The following CAB39 variants were observed in gnomAD, a reference collection of about 807,000 sequenced individuals.
The protein encoded by CAB39 is calcium-binding protein 39.
Under a neutral mutation model 40.0 loss-of-function variants are expected in CAB39, and 8 were observed. The observed-to-expected ratio is 0.20, with a 90% CI of 0.12 to 0.36. The LOEUF (loss-of-function observed/expected upper bound fraction) is 0.36. CAB39 is among the 10% of genes least tolerant of loss of function. CAB39 has a pLI of 1.00. For missense variants in CAB39, 270 were observed against 401.1 expected, an observed-to-expected ratio of 0.67 and a Z score of 2.79; for synonymous variants, 156 against 141.6, an observed-to-expected ratio of 1.10 and a Z score of -0.72.
intron 2 of CAB39, among the ~76,000 whole-genome samples, chr2:230,776,722 G>A (rs1404565493): frequency 1.3e-5 from 2 of 149,208 alleles, no homozygotes; most frequent in African/African-American, 2.5e-5. Context: ...ATGGAGTCTC[G>A]CTCTGTCACC....
chr2:230,800,746 G>C (rs1204508943), intron 5 of CAB39, among the ~76,000 whole-genome samples: 1 of 152,190 alleles, frequency 6.6e-6, no homozygotes, highest in Non-Finnish European at 1.5e-5. Flanking sequence ...CCGTCAGGAT[G>C]TGGTTGACAT....
chr2:230,713,649 G>C (rs1694294429), intron 1 of CAB39: 1 of 152,334 alleles, frequency 6.6e-6, no homozygotes, highest in African/African-American at 2.4e-5. Context: ...GTTGTCGGGA[G>C]GCAGATACCA....
Position 230,793,254 on chromosome 2 carries a change from A to G in CAB39, c.321A>G (p.Arg107=), listed in dbSNP as rs1026431482. The change falls in exon 4 of 9, where the codon AGA becomes AGG. Residue 107 remains arginine (R), a synonymous_variant. Coordinates refer to ENST00000258418, the MANE Select transcript of CAB39 (RefSeq NM_016289.4). ...CTCAAATTTTCAACAATATTCTCAG[A>G]AGACAAATTGGTACGAGAACTCCTA... ...DVAQIFNNIL[R]RQIGTRTPTV... is the part of the protein sequence containing the mutation. 6.8e-6 allele frequency: 11 copies of G among 1,612,662 alleles called. No homozygotes were observed. The highest frequency in any genetic ancestry group is 9.3e-6 in the Non-Finnish European group (11 of 1,179,200).
intron 1 of CAB39, among the ~76,000 whole-genome samples, chr2:230,744,809 T>G (rs1312219952): frequency 2.0e-5 from 3 of 152,246 alleles, no homozygotes; most frequent in Non-Finnish European, 4.4e-5. Context: ...TCAATAAGTA[T>G]TTGAGGTTTA....
chr2:230,762,887 G>A (rs1695319638), intron 2 of CAB39, among the ~76,000 whole-genome samples: 1 of 152,146 alleles, frequency 6.6e-6, no homozygotes, highest in African/African-American at 2.4e-5. Flanking sequence ...TCAGTTGGCA[G>A]CAAGTGCCAC....
intron 5 of CAB39, among the ~76,000 whole-genome samples, chr2:230,803,922 AAAG>A (rs1332292338): frequency 6.6e-6 from 1 of 152,224 alleles, no homozygotes; most frequent in Non-Finnish European, 1.5e-5. Flanking sequence ...TGGAACCAAA[AAAG>A]AGCCCGCATT....
rs535135650 is a variant in CAB39 at position 230,802,431 on chromosome 2, G to T, written c.567+3534G>T. Among the ~76,000 whole-genome samples, 17 of 152,274 alleles carry T rather than the reference G, an allele frequency of 1.1e-4. 1 individual carries two copies. The South Asian group carries it at 3.5e-3, about 32-fold the overall frequency. On this transcript the variant is annotated intron_variant, in intron 5 of 8. Transcript: ENST00000258418. ...GATCAGAGCAGAACTGAAGGAGATA[G>T]AGACACAGAAAACTTTTCAAAAAAT...
chr2:230,790,295 A>G (rs1420411776), intron 2 of CAB39, among the ~76,000 whole-genome samples: 3 of 151,936 alleles, frequency 2.0e-5, no homozygotes, highest in Non-Finnish European at 4.4e-5. Context: ...AGTCTTTTTC[A>G]TGGGGAAAGG....
At chr2:230,730,624 A>G (rs977118280) in intron 1 of CAB39, among the ~76,000 whole-genome samples, 4 of 151,962 alleles carry the variant, frequency 2.6e-5, no homozygotes, top group Non-Finnish European at 5.9e-5. Context: ...TTGTATTTTT[A>G]GTAGAGACAG....
intron 1 of CAB39, among the ~76,000 whole-genome samples, chr2:230,747,896 C>T (rs1695003667): frequency 1.3e-5 from 2 of 152,232 alleles, no homozygotes; most frequent in South Asian, 4.1e-4. Flanking sequence ...ATCACTCATA[C>T]TTCCACATGT....
intron 3 of CAB39, among the ~76,000 whole-genome samples, chr2:230,791,660 A>G (rs1004686716): frequency 1.3e-5 from 2 of 152,276 alleles, no homozygotes; most frequent in African/African-American, 2.4e-5. Context: ...GTAGCATCAC[A>G]GGGCGTCTAC....
chr2:230,747,646 C>T (rs187128316), intron 1 of CAB39, among the ~76,000 whole-genome samples: 1 of 152,106 alleles, frequency 6.6e-6, no homozygotes, highest in Non-Finnish European at 1.5e-5. Context: ...GGAAAATTAG[C>T]GCAAAATATA....
chr2:230,783,892 T>A (rs1414943243), intron 2 of CAB39, among the ~76,000 whole-genome samples: 1 of 152,214 alleles, frequency 6.6e-6, no homozygotes, highest in Non-Finnish European at 1.5e-5. Flanking sequence ...TTTTAAACCC[T>A]GTGATCAGGA....
intron 2 of CAB39, among the ~76,000 whole-genome samples, chr2:230,773,273 T>C (rs80266695): frequency 0.02 from 3,029 of 151,324 alleles, 87 homozygotes; most frequent in African/African-American, 0.07. Context: ...GTGTTCACTA[T>C]CTTGATGGTT....
intron 2 of CAB39, among the ~76,000 whole-genome samples, chr2:230,780,720 A>T (rs1170311034): frequency 6.6e-6 from 1 of 152,210 alleles, no homozygotes; most frequent in East Asian, 1.9e-4. Context: ...ATTACTGATG[A>T]TGGTCAGTAA....
At chr2:230,748,316 G>C (rs538423680) in intron 1 of CAB39, among the ~76,000 whole-genome samples, 1 of 152,238 alleles carries the variant, frequency 6.6e-6, no homozygotes, top group South Asian at 2.1e-4. Flanking sequence ...GGGCAAGGGA[G>C]AGTCAAATTT....
intron 1 of CAB39, among the ~76,000 whole-genome samples, chr2:230,721,562 T>G (rs935624666): frequency 1.3e-4 from 20 of 152,224 alleles, no homozygotes; most frequent in African/African-American, 4.8e-4. Context: ...CCATGATAAT[T>G]GAAGGTTATG....
intron 4 of CAB39, among the ~76,000 whole-genome samples, chr2:230,794,380 A>G (rs1695943965): frequency 6.6e-6 from 1 of 152,210 alleles, no homozygotes; most frequent in African/African-American, 2.4e-5. Flanking sequence ...ATGTAAAAAC[A>G]TGTAGTGAGC....
chr2:230,725,245 C>A, intron 1 of CAB39: 1 of 1,589,384 alleles, frequency 6.3e-7, no homozygotes, highest in African/African-American at 1.3e-5. Context: ...CTTCATCTTT[C>A]TTTAGCACCA....
Sources: gnomAD v4.1 joint callset for allele counts (sites outside exome capture counted in the v4.1 genomes callset) on GRCh38, gnomAD v4.1.1 for gene constraint, MANE v1.5 for transcripts, NCBI Gene and HGNC (gene_info 2026-07-23, HGNC 2026-07-21) for gene names.